Variants in USP37 observed in about 807,000 individuals in gnomAD.
The protein encoded by USP37 is ubiquitin specific peptidase 37.
In USP37, 27 loss-of-function variants were observed where a neutral mutation model predicts 124.0. The observed-to-expected ratio is 0.22, with a 90% CI of 0.16 to 0.30. The LOEUF (loss-of-function observed/expected upper bound fraction) is 0.30, where lower values mean the gene tolerates loss of function less well. Ranked by LOEUF, USP37 falls within the 10% of genes least tolerant of loss-of-function variation. The pLI is 1.00. For missense variants in USP37, 889 were observed against 1,140.4 expected, an observed-to-expected ratio of 0.78 and a Z score of 3.17; for synonymous variants, 365 against 388.0, an observed-to-expected ratio of 0.94 and a Z score of 0.70.
At chr2:218,495,633 A>T in intron 14 of USP37, 127 bp downstream of exon 14, 1 of 1,040,722 alleles carries the variant, frequency 9.6e-7, no homozygotes, top group Non-Finnish European at 1.3e-6. Flanking sequence ...CCAAGAGCCT[A>T]GGCAACTGTG....
chr2:218,490,987 C>T (rs552264001), intron 14 of USP37, among the ~76,000 whole-genome samples: 1 of 152,304 alleles, frequency 6.6e-6, no homozygotes, highest in African/African-American at 2.4e-5. Context: ...AATCCTCCCA[C>T]CTTAGCCTCC....
intron 15 of USP37, among the ~76,000 whole-genome samples, chr2:218,486,618 T>C (rs1219465084): frequency 6.6e-6 from 1 of 152,226 alleles, no homozygotes; most frequent in African/African-American, 2.4e-5. Flanking sequence ...AAGCAGGGTT[T>C]TGCCGTGTTG....
rs1019943832 is a variant in USP37 at position 218,502,655 on chromosome 2, C to T, written c.1026-4498G>A. On this transcript the variant is annotated intron_variant, in intron 11 of 25. Coordinates refer to ENST00000258399, the MANE Select transcript of USP37 (RefSeq NM_020935.3). ...TAAAAATTAGCAACGAAGAGAAAATCTTGAAAAGCAGTCAGAGAAAAACTG... is the reference window on the plus strand; with the variant it reads ...TAAAAATTAGCAACGAAGAGAAAATTTTGAAAAGCAGTCAGAGAAAAACTG... 5.3e-5 allele frequency among the ~76,000 whole-genome samples: 8 copies of T among 152,188 alleles called. No individual in the cohort carries two copies. The East Asian group carries it at 1.5e-3, about 29-fold the overall frequency.
chr2:218,485,310 C>T (rs1691492579), intron 16 of USP37, among the ~76,000 whole-genome samples: 1 of 151,988 alleles, frequency 6.6e-6, no homozygotes, highest in Non-Finnish European at 1.5e-5. Flanking sequence ...TCCTTCCTTC[C>T]TTTAAATATA....
intron 11 of USP37, among the ~76,000 whole-genome samples, chr2:218,502,627 T>C (rs1412175078): frequency 6.6e-6 from 1 of 152,096 alleles, no homozygotes; most frequent in Non-Finnish European, 1.5e-5. Context: ...AAAATAAAAC[T>C]GCTAAAAATT....
chr2:218,485,697 G>A lies in USP37; in HGVS notation c.1637C>T (p.Ala546Val), dbSNP rs753356720. 6.2e-7 allele frequency: 1 copy of A among 1,601,066 alleles called. No homozygotes were observed. The highest frequency in any genetic ancestry group is 1.1e-5 in the South Asian group (1 of 88,648). ...YSCEKCGGKC[A>V]LVRHKFNRLP... ...CCTGTTAAATTTGTGCCTGACAAGA[G>A]CACACTTCCCACCACACTTCTCACA... The change falls in exon 16 of 26, where the codon GCT becomes GTT. Residue 546 changes from alanine (A) to valine (V), a missense_variant. Transcript: ENST00000258399.
chr2:218,559,001 TAAAAAA>T (rs35129465), intron 3 of USP37, among the ~76,000 whole-genome samples: 1 of 143,144 alleles, frequency 7.0e-6, no homozygotes, highest in Non-Finnish European at 1.5e-5. Context: ...AAATATAAGT[TAAAAAA>T]AAAAAAAAAG....
At chr2:218,519,315 T>C (rs1690466818) in intron 10 of USP37, among the ~76,000 whole-genome samples, 1 of 152,204 alleles carries the variant, frequency 6.6e-6, no homozygotes, top group Non-Finnish European at 1.5e-5. Context: ...TATAATCAAC[T>C]TAATTAAATT....
At chr2:218,538,969 ATTTTAT>A (rs58429706) in intron 8 of USP37, among the ~76,000 whole-genome samples, 2,867 of 152,108 alleles carry the variant, frequency 0.019, 92 homozygotes, top group African/African-American at 0.065. Context: ...ATGCTACTTT[ATTTTAT>A]TTTTATTTTT....
chr2:218,551,248 T>C (rs907369952), intron 5 of USP37, among the ~76,000 whole-genome samples: 17 of 152,208 alleles, frequency 1.1e-4, no homozygotes, highest in African/African-American at 4.1e-4. Flanking sequence ...TTTGCTCTAG[T>C]CTCTGCAAAG....
rs1026432958 is a variant in USP37, at chr2:218,528,877, C to T, written c.863+1079G>A. 1.2e-5 allele frequency: 4 copies of T among 331,474 alleles called. No individual in the cohort carries two copies. In the South Asian group the frequency reaches 6.7e-4, roughly 56 times the overall value. 20.5% of individuals were successfully genotyped at this position (331,474 alleles called of 1,614,324 possible). On this transcript the variant is annotated intron_variant, in intron 10 of 25. Transcript: ENST00000258399. ...ATAGAATTGGCAATTAAATATCCAACTAGCCTTTTCCAATTTATTAATAAA... is the reference window on the plus strand; with the variant it reads ...ATAGAATTGGCAATTAAATATCCAATTAGCCTTTTCCAATTTATTAATAAA...
rs957040130 is a variant in USP37 at position 218,547,074 on chromosome 2, T to C, written c.447A>G (p.Gly149=). ...GAATATCATCTTTAGTTTCCAAACT[T>C]CCTCTTTTTGCAGAAGCCTGTAAAA... ...YSDNQASAKR[G]SLETKDDIPF... Residue 149 remains glycine (G), a synonymous_variant, in exon 7 of 26, where the codon GGA becomes GGG. Coordinates refer to ENST00000258399, the MANE Select transcript of USP37 (RefSeq NM_020935.3). The C allele has an allele frequency of 2.5e-6, 4 of 1,595,078 alleles. No individual in the cohort carries two copies. Among genetic ancestry groups the C allele is most frequent in the South Asian group, 1.2e-5 (1 of 86,730 alleles).
At chr2:218,470,564 CT>C (rs1690624924) in intron 20 of USP37, among the ~76,000 whole-genome samples, 1 of 152,208 alleles carries the variant, frequency 6.6e-6, no homozygotes, top group Non-Finnish European at 1.5e-5. Flanking sequence ...CTAAACATGG[CT>C]TCAGGCCATG....
chr2:218,476,706 C>G (rs1422984531), intron 19 of USP37, 134 bp downstream of exon 19: 1 of 1,032,596 alleles, frequency 9.7e-7, no homozygotes, highest in Non-Finnish European at 1.3e-6. Flanking sequence ...CATCTGTAAA[C>G]AGACTGATTT....
intron 14 of USP37, 97 bp downstream of exon 14, chr2:218,495,663 C>T: frequency 3.7e-6 from 5 of 1,357,836 alleles, no homozygotes; most frequent in Non-Finnish European, 5.0e-6. Flanking sequence ...GTCTTAAAAA[C>T]AGAAAAGAAT....
intron 17 of USP37, among the ~76,000 whole-genome samples, chr2:218,481,690 T>C (rs1691279878): frequency 1.3e-5 from 2 of 151,138 alleles, no homozygotes; most frequent in East Asian, 3.9e-4. Flanking sequence ...TTTCTTTTTT[T>C]TTTTTTTTTT....
At chr2:218,543,526 A>C (rs1308954552) in intron 8 of USP37, among the ~76,000 whole-genome samples, 5 of 150,586 alleles carry the variant, frequency 3.3e-5, no homozygotes, top group Middle Eastern at 3.2e-3. Context: ...AAAAAAAAAA[A>C]AACAGGACAG....
In USP37 at chr2:218,494,579, C is replaced by T. The variant is rs191271100; in HGVS notation, c.1472+1181G>A. 5.7e-4 allele frequency among the ~76,000 whole-genome samples: 86 copies of T among 152,212 alleles called. No homozygotes were observed. The South Asian group carries it at 8.9e-3, about 16-fold the overall frequency. On this transcript the variant is annotated intron_variant, in intron 14 of 25. Coordinates refer to ENST00000258399, the MANE Select transcript of USP37 (RefSeq NM_020935.3). ...CACAGAGTAATAGGATATGATAGGGCGGTATACTTAATACACTGATGGGTA... is the reference window on the plus strand; with the variant it reads ...CACAGAGTAATAGGATATGATAGGGTGGTATACTTAATACACTGATGGGTA...
intron 4 of USP37, among the ~76,000 whole-genome samples, chr2:218,556,928 G>A (rs907216800): frequency 4.0e-5 from 6 of 151,814 alleles, no homozygotes; most frequent in Non-Finnish European, 5.9e-5. Context: ...GCTTTGTCAC[G>A]CAGGCTGGAG....
Sources: gnomAD v4.1 joint callset for allele counts (sites outside exome capture counted in the v4.1 genomes callset) on GRCh38, gnomAD v4.1.1 for gene constraint, MANE v1.5 for transcripts, NCBI Gene and HGNC (gene_info 2026-07-23, HGNC 2026-07-21) for gene names.